The following SGCD variants were observed in gnomAD, a reference collection of about 807,000 sequenced individuals.
The protein encoded by SGCD is delta-sarcoglycan.
A neutral mutation model predicts 36.6 loss-of-function variants in SGCD; 18 were observed. That is an observed-to-expected ratio of 0.49 (90% CI 0.34 to 0.73). The LOEUF is 0.73. Among genes scored for constraint, SGCD ranks in the 30% least tolerant of loss-of-function variants. SGCD has a pLI of 0.01. For synonymous variants in SGCD, 133 were observed against 130.6 expected (o/e 1.02, Z -0.12); for missense variants, 387 against 346.7 (o/e 1.12, Z -0.92).
At chr5:156,614,259 C>G (rs1414977203) in intron 6 of SGCD, among the ~76,000 whole-genome samples, 5 of 152,186 alleles carry the variant, frequency 3.3e-5, no homozygotes, top group Admixed American at 6.5e-5. Flanking sequence ...TTATTACTTT[C>G]ATTAACAGAT....
chr5:156,196,095 A>T (rs1764019613), intron 3 of SGCD, among the ~76,000 whole-genome samples: 1 of 152,106 alleles, frequency 6.6e-6, no homozygotes, highest in Admixed American at 6.6e-5. Context: ...AGTTCTGATA[A>T]TTCCAACTTC....
intron 3 of SGCD, among the ~76,000 whole-genome samples, chr5:156,448,718 T>TC (rs1753853918): frequency 7.0e-6 from 1 of 143,246 alleles, no homozygotes; most frequent in Admixed American, 6.9e-5. Context: ...GGGAGAAGTT[T>TC]CTTTTTCTTT....
intron 1 of SGCD, among the ~76,000 whole-genome samples, chr5:155,955,097 T>A (rs1387273506): frequency 2.0e-5 from 3 of 152,142 alleles, no homozygotes. Flanking sequence ...ATTGATTGGA[T>A]GAGGCCTACT....
chr5:155,778,664 C>T, the SGCD span, among the ~76,000 whole-genome samples: 1 of 152,096 alleles, frequency 6.6e-6, no homozygotes, highest in East Asian at 1.9e-4. Flanking sequence ...TTGGTTTAGC[C>T]TTCATCTCCA....
chr5:156,551,949 G>A (rs1171000299), intron 4 of SGCD, among the ~76,000 whole-genome samples: 1 of 152,032 alleles, frequency 6.6e-6, no homozygotes, highest in Non-Finnish European at 1.5e-5. Flanking sequence ...TGAAAAAATG[G>A]GGTTCTTGTT....
intron 3 of SGCD, among the ~76,000 whole-genome samples, chr5:156,462,031 C>T (rs1182190703): frequency 6.6e-6 from 1 of 152,130 alleles, no homozygotes; most frequent in African/African-American, 2.4e-5. Flanking sequence ...GTTTATACAA[C>T]AGTAACACTA....
At chr5:156,678,112 T>C (rs905486309) in intron 7 of SGCD, among the ~76,000 whole-genome samples, 8 of 152,190 alleles carry the variant, frequency 5.3e-5, no homozygotes, top group Non-Finnish European at 8.8e-5. Flanking sequence ...GAGTGTGACC[T>C]AGACATCAGT....
chr5:156,400,077 G>A (rs995338200), intron 3 of SGCD, among the ~76,000 whole-genome samples: 4 of 152,132 alleles, frequency 2.6e-5, no homozygotes, highest in African/African-American at 7.2e-5. Context: ...TTTCATTGCT[G>A]CAGGCCTTTC....
At chr5:156,429,992 T>C (rs551276874) in intron 3 of SGCD, among the ~76,000 whole-genome samples, 78 of 152,292 alleles carry the variant, frequency 5.1e-4, no homozygotes, top group African/African-American at 1.7e-3. Flanking sequence ...GATAGCCCAG[T>C]GACTATGTGC....
chr5:156,519,605 T>C (rs1757321394), intron 4 of SGCD, among the ~76,000 whole-genome samples: 1 of 152,196 alleles, frequency 6.6e-6, no homozygotes, highest in South Asian at 2.1e-4. Flanking sequence ...TGAATATTGC[T>C]GCAAAAATCC....
chr5:156,384,382 A>G (rs1316124018), intron 3 of SGCD, among the ~76,000 whole-genome samples: 1 of 151,972 alleles, frequency 6.6e-6, no homozygotes, highest in African/African-American at 2.4e-5. Flanking sequence ...CTTCTGAATG[A>G]TTGTGAATGT....
chr5:156,141,147 T>C (rs1367268156), intron 3 of SGCD, among the ~76,000 whole-genome samples: 1 of 152,184 alleles, frequency 6.6e-6, no homozygotes, highest in African/African-American at 2.4e-5. Flanking sequence ...TACATGTAAG[T>C]GAAGGCTTGG....
At chr5:155,792,970 C>A in the SGCD span, among the ~76,000 whole-genome samples, 2 of 152,168 alleles carry the variant, frequency 1.3e-5, no homozygotes, top group African/African-American at 4.8e-5. Flanking sequence ...TATTGCAGAG[C>A]TGTTCACAAT....
At chr5:155,969,733 G>T (rs1235787875) in intron 1 of SGCD, among the ~76,000 whole-genome samples, 1 of 152,070 alleles carries the variant, frequency 6.6e-6, no homozygotes, top group Non-Finnish European at 1.5e-5. Flanking sequence ...TCCTGAGCAT[G>T]ACGTGGGCTA....
At chr5:156,334,828 A>G (rs1768260320) in intron 2 of SGCD, among the ~76,000 whole-genome samples, 1 of 152,128 alleles carries the variant, frequency 6.6e-6, no homozygotes, top group South Asian at 2.1e-4. Flanking sequence ...GAACTGAAGG[A>G]TGGCACATAT....
At chr5:156,275,627 T>G (rs1766298923) in intron 3 of SGCD, among the ~76,000 whole-genome samples, 1 of 152,184 alleles carries the variant, frequency 6.6e-6, no homozygotes, top group Admixed American at 6.5e-5. Flanking sequence ...GGCTTCAGTA[T>G]GTACTAAGTT....
In SGCD at chr5:156,154,798, A is replaced by T. The variant is rs10057096; in HGVS notation, c.-44+30779A>T. On this transcript the variant is annotated intron_variant, in intron 3 of 9. Transcript: ENST00000517913. ...CTCTCAATAGATAACTGATAGAAGTATTTTTTTCACCCAGTCATTTTTTTC... is the reference window on the plus strand; with the variant it reads ...CTCTCAATAGATAACTGATAGAAGTTTTTTTTTCACCCAGTCATTTTTTTC... Among the ~76,000 whole-genome samples, 397 of 151,610 alleles carry T rather than the reference A, an allele frequency of 2.6e-3. 17 individuals carry two copies. The highest frequency in any genetic ancestry group is 9.1e-3 in the African/African-American group (372 of 40,966).
intron 6 of SGCD, among the ~76,000 whole-genome samples, chr5:156,628,144 C>G (rs76193874): frequency 6.6e-6 from 1 of 152,086 alleles, no homozygotes; most frequent in East Asian, 1.9e-4. Flanking sequence ...GGAGGTGCCA[C>G]ACACTTTTAA....
chr5:156,053,142 C>T (rs929410319), intron 1 of SGCD, among the ~76,000 whole-genome samples: 1 of 146,624 alleles, frequency 6.8e-6, no homozygotes, highest in African/African-American at 2.5e-5. Flanking sequence ...TATGGCACTG[C>T]CAGTTGGGGC....
Sources: allele counts gnomAD v4.1 joint callset (sites outside exome capture counted in the v4.1 genomes callset), GRCh38; gene constraint gnomAD v4.1.1; transcripts MANE v1.5; gene names NCBI Gene and HGNC (gene_info 2026-07-23, HGNC 2026-07-21).